Variants in NOX1 observed in about 807,000 individuals in gnomAD.
NOX1 encodes the protein NADPH oxidase 1.
NOX1 carries 34 observed loss-of-function variants against 42.5 expected under a neutral mutation model. The ratio of observed to expected loss-of-function variants is 0.80; its 90% CI spans 0.61 to 1.07. The LOEUF (loss-of-function observed/expected upper bound fraction) is 1.07, where lower values mean the gene tolerates loss of function less well. Ranked by LOEUF, NOX1 falls within the 50% of genes least tolerant of loss-of-function variation. The pLI is 0.00. For synonymous variants in NOX1, 143 were observed against 152.5 expected, an observed-to-expected ratio of 0.94 and a Z score of 0.46; for missense variants, 408 against 427.0, an observed-to-expected ratio of 0.96 and a Z score of 0.39.
intron 2 of NOX1, among the ~76,000 whole-genome samples, chrX:100,869,278 T>G (rs2085257990): frequency 8.9e-6 from 1 of 111,812 alleles, no homozygotes; most frequent in South Asian, 3.8e-4. Context: ...CGATATTGAT[T>G]CTTCCTATCC....
chrX:100,872,155 C>G (rs1229094986), intron 1 of NOX1, among the ~76,000 whole-genome samples: 1 of 112,182 alleles, frequency 8.9e-6, no homozygotes, highest in Non-Finnish European at 1.9e-5. Context: ...CTTCCTGCCT[C>G]CTTTGCTCAG....
chrX:100,859,828 G>C (rs1602389073), intron 7 of NOX1, among the ~76,000 whole-genome samples: 1 of 100,821 alleles, frequency 9.9e-6, no homozygotes, highest in Non-Finnish European at 2.0e-5. Context: ...TGTGTTTTTT[G>C]GATTGTCTCT....
chrX:100,851,269 C>T lies in NOX1; in HGVS notation c.861G>A (p.Arg287=). ...CAACCTTCTGCTGGGAGCGGTAAAA[C>T]CGGAGGATCCTTTCACAGATATAAA... ...VILYICERIL[R]FYRSQQKVVI... Residue 287 remains arginine, a synonymous_variant, in exon 8 of 13, where the codon CGG becomes CGA. Coordinates refer to ENST00000372966, the MANE Select transcript of NOX1 (RefSeq NM_007052.5). The T allele has an allele frequency of 8.3e-7, 1 of 1,198,121 alleles. No homozygotes were observed. Among genetic ancestry groups the T allele is most frequent in the Non-Finnish European group, 1.1e-6 (1 of 885,752 alleles).
rs1324585618 is a variant in NOX1, at chrX:100,854,930, G to T, written c.805-3605C>A. ...GGAAATTTACCAAGATGGCTTCAGT[G>T]TAGACTAACTTTACACAGCACATTA... On this transcript the variant is annotated intron_variant, in intron 7 of 12. Transcript: ENST00000372966. 3.1e-5 allele frequency among the ~76,000 whole-genome samples: 3 copies of T among 97,449 alleles called. No homozygotes were observed. The East Asian group carries it at 9.2e-4, about 30-fold the overall frequency. 84.6% of individuals were successfully genotyped at this position (97,449 alleles called of 115,157 possible).
At chrX:100,873,723 G>A (rs2085289930) in intron 1 of NOX1, among the ~76,000 whole-genome samples, 1 of 111,815 alleles carries the variant, frequency 8.9e-6, no homozygotes, top group Non-Finnish European at 1.9e-5. Flanking sequence ...TGGGCCAGAT[G>A]ATCTCTAAGA....
chrX:100,855,900 A>G (rs1367346354), intron 7 of NOX1: 9 of 1,173,912 alleles, frequency 7.7e-6, no homozygotes, highest in South Asian at 5.3e-5. Context: ...CGGAATGACA[A>G]TCTTATCCAC....
chrX:100,872,534 T>C (rs911993154), intron 1 of NOX1, among the ~76,000 whole-genome samples: 2 of 111,323 alleles, frequency 1.8e-5, no homozygotes, highest in Non-Finnish European at 1.9e-5. Context: ...TAGGAGTATA[T>C]GTCAGAGATA....
At position 100,874,307 on chromosome X, in the gene NOX1, A is replaced by G. The variant is rs1196292384; in HGVS notation, c.-168T>C. ...AGAGTTCCTGGGAATGAATAAGTTT[A>G]TTCTGCCTTCCTTCTCTGGACAGAA... is the stretch of plus-strand genomic sequence containing the variant. On this transcript the variant is annotated 5_prime_UTR_variant, in exon 1 of 13. Coordinates refer to ENST00000372966, the MANE Select transcript of NOX1 (RefSeq NM_007052.5). 4.5e-6 allele frequency: 2 copies of G among 445,780 alleles called. No homozygotes were observed. Among genetic ancestry groups the G allele is most frequent in the Admixed American group, 7.6e-5 (2 of 26,459 alleles). 36.7% of individuals were successfully genotyped at this position (445,780 alleles called of 1,213,427 possible). A position where few individuals can be genotyped will look rare whatever the true frequency, so the allele number is the denominator to read the frequency against.
At chrX:100,847,083 G>T (rs1367048838) in intron 12 of NOX1, among the ~76,000 whole-genome samples, 1 of 112,069 alleles carries the variant, frequency 8.9e-6, no homozygotes, top group African/African-American at 3.2e-5. Flanking sequence ...CAGCTACTCG[G>T]GAGGCTGAGG....
Position 100,848,584 on chromosome X carries a change from C to T in NOX1, c.1568+46G>A, listed in dbSNP as rs142623844. 1.3e-3 allele frequency: 1,575 copies of T among 1,177,178 alleles called. 14 individuals carry two copies. The African/African-American group carries it at 0.024, about 18-fold the overall frequency. On this transcript the variant is annotated intron_variant, in intron 12 of 12. Coordinates refer to ENST00000372966, the MANE Select transcript of NOX1 (RefSeq NM_007052.5). ...TGAGATTACAGGCAGTAAGCCACCA[C>T]GCACGGCCCCTGTAAACTCATCTTA...
chrX:100,868,067 T>A (rs2085250692), intron 2 of NOX1, among the ~76,000 whole-genome samples: 1 of 112,219 alleles, frequency 8.9e-6, no homozygotes. Flanking sequence ...ACTAGTCACA[T>A]TTATTGCATC....
chrX:100,874,257 A>G lies in NOX1; in HGVS notation c.-118T>C. The G allele has an allele frequency of 3.9e-6, 2 of 516,607 alleles. No individual in the cohort carries two copies. Among genetic ancestry groups the G allele is most frequent in the Admixed American group, 3.1e-5 (1 of 32,582 alleles). 42.6% of individuals were successfully genotyped at this position (516,607 alleles called of 1,213,427 possible). The stretch of plus-strand genomic sequence containing the variant: ...AGCGCAGGGTCTGTGAGCCTTTAAG[A>G]TGTGAAAAACACACACCTACCCCAA... On this transcript the variant is annotated 5_prime_UTR_variant, in exon 1 of 13. Transcript: ENST00000372966.
At chrX:100,856,579 C>CT (rs1219396590) in intron 7 of NOX1, among the ~76,000 whole-genome samples, 72 of 105,781 alleles carry the variant, frequency 6.8e-4, no homozygotes, top group South Asian at 8.2e-4. Flanking sequence ...TCCAAAATTA[C>CT]TTTTTTTTTT....
chrX:100,868,702 CT>C (rs2085254384), intron 2 of NOX1, among the ~76,000 whole-genome samples: 2 of 110,732 alleles, frequency 1.8e-5, no homozygotes, highest in East Asian at 5.7e-4. Flanking sequence ...TTTGTTTTTT[CT>C]TTTTTACTTT....
Position 100,850,135 on chromosome X carries a change from G to C in NOX1, c.1133+16C>G. The C allele has an allele frequency of 8.5e-7, 1 of 1,170,607 alleles. No homozygotes were observed. On this transcript the variant is annotated intron_variant, in intron 9 of 12. Transcript: ENST00000372966. ...CTGCATCCTGGTCTGGGACTCTCCTGGTCTCAAGGACCTACCTGGGAATTG... is the reference window on the plus strand; with the variant it reads ...CTGCATCCTGGTCTGGGACTCTCCTCGTCTCAAGGACCTACCTGGGAATTG...
At chrX:100,869,340 G>C (rs2085258511) in intron 2 of NOX1, among the ~76,000 whole-genome samples, 1 of 109,431 alleles carries the variant, frequency 9.1e-6, no homozygotes, top group African/African-American at 3.3e-5. Flanking sequence ...ATTTCCTTGA[G>C]CAGCGGTTTG....
At chrX:100,853,250 C>CTTTA (rs1476648401) in intron 7 of NOX1, among the ~76,000 whole-genome samples, 15 of 40,287 alleles carry the variant, frequency 3.7e-4, no homozygotes, top group African/African-American at 1.7e-3. Flanking sequence ...TCTTTCCTTC[C>CTTTA]TTCCTTCCTT....
intron 5 of NOX1, 31 bp downstream of exon 5, chrX:100,862,638 T>C (rs775735912): frequency 8.4e-7 from 1 of 1,188,655 alleles, no homozygotes; most frequent in East Asian, 3.0e-5. Context: ...CATGACCAGA[T>C]CTCAGATGCT....
In NOX1 at chrX:100,863,150, C is replaced by A. The variant is rs200948150; in HGVS notation, c.337+9G>T. ...TGGAGTCTGCAGATTCATGGATTGC[C>A]TGAGTTACCTGTATGTAGGCAGATC... On this transcript the variant is annotated intron_variant, in intron 4 of 12. Coordinates refer to ENST00000372966, the MANE Select transcript of NOX1 (RefSeq NM_007052.5). 1 of 1,170,591 alleles carries A rather than the reference C, an allele frequency of 8.5e-7. No individual in the cohort carries two copies. The highest frequency in any genetic ancestry group is 1.2e-6 in the Non-Finnish European group (1 of 858,092).
Sources: allele counts gnomAD v4.1 joint callset (sites outside exome capture counted in the v4.1 genomes callset), GRCh38; gene constraint gnomAD v4.1.1; transcripts MANE v1.5; gene names NCBI Gene and HGNC (gene_info 2026-07-23, HGNC 2026-07-21).